RPH3A: variants seen among roughly 807,000 people sequenced by gnomAD.
RPH3A encodes rabphilin-3A.
RPH3A carries 48 observed loss-of-function variants against 102.2 expected under a neutral mutation model. That is an observed-to-expected ratio of 0.47 (90% CI 0.37 to 0.60). The LOEUF (loss-of-function observed/expected upper bound fraction) is 0.60, where lower values mean the gene tolerates loss of function less well. Among genes scored for constraint, RPH3A ranks in the 20% least tolerant of loss-of-function variants. The probability of loss-of-function intolerance (pLI) is 0.00; values close to 1 mark genes in which losing one functional copy is unlikely to be tolerated. For missense variants in RPH3A, 781 were observed against 910.1 expected, an observed-to-expected ratio of 0.86 and a Z score of 1.83; for synonymous variants, 310 against 324.3, an observed-to-expected ratio of 0.96 and a Z score of 0.47.
chr12:112,764,095 C>T (rs1345841792), intron 1 of RPH3A, among the ~76,000 whole-genome samples: 1 of 152,184 alleles, frequency 6.6e-6, no homozygotes, highest in Admixed American at 6.5e-5. Flanking sequence ...CCTTACCTCT[C>T]ACTACTTTCC....
At chr12:112,656,512 C>T (rs61942314) in intron 1 of RPH3A, among the ~76,000 whole-genome samples, 40,267 of 151,970 alleles carry the variant, frequency 0.26, 6,219 homozygotes, top group Admixed American at 0.33. Context: ...CCATTGTATC[C>T]GTAACCCAAA....
chr12:112,586,644 C>T (rs2039441103), intron 1 of RPH3A, among the ~76,000 whole-genome samples: 1 of 152,030 alleles, frequency 6.6e-6, no homozygotes, highest in Non-Finnish European at 1.5e-5. Context: ...TTTGCACAGG[C>T]CCTGTGCATA....
chr12:112,898,459 C>T lies in RPH3A; in HGVS notation c.*1679C>T, dbSNP rs1331510034. Reference sequence around the variant, plus strand: ...TCTCTTAACTTTTCAACGCCCTCCACCCTCAGCTCCCTGCACAATTCATGG... The same window carrying T: ...TCTCTTAACTTTTCAACGCCCTCCATCCTCAGCTCCCTGCACAATTCATGG... On this transcript the variant is annotated 3_prime_UTR_variant, in exon 22 of 22. Transcript: ENST00000389385. 1 of 152,256 alleles carries T rather than the reference C, an allele frequency of 6.6e-6. No homozygotes were observed. The highest frequency in any genetic ancestry group is 3.2e-3 in the Middle Eastern group (1 of 316). 9.4% of individuals were successfully genotyped at this position (152,256 alleles called of 1,614,324 possible).
At chr12:112,633,459 G>A (rs1430698785) in intron 1 of RPH3A, among the ~76,000 whole-genome samples, 14 of 152,116 alleles carry the variant, frequency 9.2e-5, no homozygotes. Context: ...TGGACTAATG[G>A]ACTATCAAGG....
At chr12:112,749,671 T>C (rs1416944335) in intron 1 of RPH3A, among the ~76,000 whole-genome samples, 1 of 152,174 alleles carries the variant, frequency 6.6e-6, no homozygotes, top group Non-Finnish European at 1.5e-5. Flanking sequence ...AATCAGTAAA[T>C]AAATTATTGT....
intron 11 of RPH3A, 55 bp from the exon 12 acceptor site, chr12:112,875,624 C>T: frequency 6.7e-7 from 1 of 1,483,770 alleles, no homozygotes; most frequent in Non-Finnish European, 9.4e-7. Flanking sequence ...AGGTGAACCC[C>T]CAAATGATGC....
chr12:112,683,026 G>C (rs2040237893), intron 1 of RPH3A, among the ~76,000 whole-genome samples: 1 of 152,104 alleles, frequency 6.6e-6, no homozygotes, highest in Non-Finnish European at 1.5e-5. Flanking sequence ...TAATTTTTTG[G>C]CAGGATTATT....
chr12:112,694,683 C>G (rs7964824), intron 1 of RPH3A, among the ~76,000 whole-genome samples: 7,371 of 103,180 alleles, frequency 0.071, 620 homozygotes, highest in African/African-American at 0.26. Flanking sequence ...CACACACACA[C>G]AGAGAGAGAG....
At chr12:112,775,120 T>TA (rs1322601773) in intron 1 of RPH3A, among the ~76,000 whole-genome samples, 1 of 152,134 alleles carries the variant, frequency 6.6e-6, no homozygotes, top group East Asian at 1.9e-4. Context: ...GCTTAATACC[T>TA]AGGTGATGGG....
At chr12:112,809,377 G>A (rs752176211) in intron 2 of RPH3A, among the ~76,000 whole-genome samples, 7 of 152,058 alleles carry the variant, frequency 4.6e-5, no homozygotes, top group Admixed American at 3.3e-4. Context: ...CACTATACAA[G>A]CATTTTAAAA....
At chr12:112,584,105 C>A (rs1158404736) in intron 1 of RPH3A, among the ~76,000 whole-genome samples, 3 of 152,126 alleles carry the variant, frequency 2.0e-5, no homozygotes, top group African/African-American at 7.2e-5. Flanking sequence ...AAGTGATTAT[C>A]GCTGCAGAAA....
intron 1 of RPH3A, among the ~76,000 whole-genome samples, chr12:112,648,187 A>T (rs1046401224): frequency 6.6e-6 from 1 of 152,104 alleles, no homozygotes; most frequent in Non-Finnish European, 1.5e-5. Context: ...CACAACTGTG[A>T]TCATTACATA....
intron 1 of RPH3A, among the ~76,000 whole-genome samples, chr12:112,611,488 G>C (rs2039638382): frequency 6.6e-6 from 1 of 151,954 alleles, no homozygotes; most frequent in Admixed American, 6.6e-5. Context: ...TTTTTTTCGG[G>C]AGTACAATGG....
At chr12:112,889,944 T>A (rs1565946031) in intron 17 of RPH3A, 80 bp from the exon 18 acceptor site, 1 of 1,278,808 alleles carries the variant, frequency 7.8e-7, no homozygotes, top group Non-Finnish European at 1.1e-6. Context: ...AATGGAAGTA[T>A]GAGGGGTTTC....
chr12:112,804,327 G>T (rs746357560), intron 2 of RPH3A, among the ~76,000 whole-genome samples: 2 of 152,184 alleles, frequency 1.3e-5, no homozygotes, highest in Non-Finnish European at 2.9e-5. Flanking sequence ...ATCCTTCCCG[G>T]TGGATCCCAT....
At chr12:112,768,907 G>A (rs535153490) in intron 1 of RPH3A, among the ~76,000 whole-genome samples, 5 of 152,138 alleles carry the variant, frequency 3.3e-5, no homozygotes, top group South Asian at 4.2e-4. Context: ...GCAAGACCCC[G>A]TCTCAAAAAA....
rs569070918 is a variant in RPH3A at position 112,858,228 on chromosome 12, C to T, written c.231-7186C>T. Reference sequence around the variant, plus strand: ...GCTGCAGCGAGCTATGATCAAGCCACTGCACTCCGGCCTGGGTGACAGAGT... The same window carrying T: ...GCTGCAGCGAGCTATGATCAAGCCATTGCACTCCGGCCTGGGTGACAGAGT... On this transcript the variant is annotated intron_variant, in intron 5 of 21. Coordinates refer to ENST00000389385, the MANE Select transcript of RPH3A (RefSeq NM_001143854.2). Among the ~76,000 whole-genome samples the T allele has an allele frequency of 6.4e-5, 8 of 124,200 alleles. No homozygotes were observed. In the South Asian group the frequency reaches 2.2e-3, roughly 34 times the overall value. 81.5% of individuals were successfully genotyped at this position (124,200 alleles called of 152,430 possible). A position where few individuals can be genotyped will look rare whatever the true frequency, so the allele number is the denominator to read the frequency against.
intron 7 of RPH3A, chr12:112,868,220 G>C (rs1427095872): frequency 3.9e-6 from 2 of 506,920 alleles, no homozygotes; most frequent in East Asian, 6.0e-5. Context: ...CTTTCTTCAT[G>C]GGTAAACTGA....
At position 112,847,802 on chromosome 12, in the gene RPH3A, C is replaced by A. The variant is rs950652719; in HGVS notation, c.190C>A (p.Arg64=). ...AGAAATCATCAACAGGGTGATTGCT[C>A]GAGCTGAGAAAATGGAAGAGATGGA... ...EKEIINRVIA[R]AEKMEEMEQE... The change falls in exon 5 of 22, where the codon CGA becomes AGA. Residue 64 remains arginine (R), a synonymous_variant. Transcript: ENST00000389385. 6.2e-7 allele frequency: 1 copy of A among 1,614,140 alleles called. No individual in the cohort carries two copies. Among genetic ancestry groups the A allele is most frequent in the Middle Eastern group, 1.7e-4 (1 of 6,058 alleles).
Sources: gnomAD v4.1 joint callset for allele counts (sites outside exome capture counted in the v4.1 genomes callset) on GRCh38, gnomAD v4.1.1 for gene constraint, MANE v1.5 for transcripts, NCBI Gene and HGNC (gene_info 2026-07-23, HGNC 2026-07-21) for gene names.